The following TULP4 variants were observed in gnomAD, a reference collection of about 807,000 sequenced individuals.
TULP4 encodes tubby-related protein 4.
A neutral mutation model predicts 129.0 loss-of-function variants in TULP4; 16 were observed. The observed-to-expected ratio is 0.12, with a 90% CI of 0.08 to 0.19. The LOEUF (loss-of-function observed/expected upper bound fraction) is 0.19, where lower values mean the gene tolerates loss of function less well. Among genes scored for constraint, TULP4 ranks in the 10% least tolerant of loss-of-function variants. The probability of loss-of-function intolerance (pLI) is 1.00; values close to 1 mark genes in which losing one functional copy is unlikely to be tolerated. For missense variants in TULP4, 1,842 were observed against 2,059.1 expected (o/e 0.89, Z 2.04); for synonymous variants, 998 against 854.0 (o/e 1.17, Z -2.94).
At chr6:158,273,989 G>C (rs1190164027) in intron 1 of TULP4, among the ~76,000 whole-genome samples, 1 of 152,198 alleles carries the variant, frequency 6.6e-6, no homozygotes, top group Non-Finnish European at 1.5e-5. Flanking sequence ...GCTGGGTGCA[G>C]TGGCTCACAC....
In TULP4 at chr6:158,236,734, A is replaced by G. The variant is rs1777708757; in HGVS notation, n.68+4431A>G. Reference sequence around the variant, plus strand: ...GTTTGTGAAGCTGAAAAAAGATCAAATCAGCACACACAGATAAAGGATACA... The same window carrying G: ...GTTTGTGAAGCTGAAAAAAGATCAAGTCAGCACACACAGATAAAGGATACA... On this transcript the variant is annotated intron_variant and non_coding_transcript_variant, in intron 1 of 1. Coordinates refer to the TULP4 transcript ENST00000620026. 2.0e-5 allele frequency among the ~76,000 whole-genome samples: 3 copies of G among 151,726 alleles called. No homozygotes were observed. In the South Asian group the frequency reaches 6.3e-4, roughly 32 times the overall value.
intron 1 of TULP4, among the ~76,000 whole-genome samples, chr6:158,240,841 G>T (rs1777881324): frequency 6.6e-6 from 1 of 150,708 alleles, no homozygotes; most frequent in Non-Finnish European, 1.5e-5. Context: ...GGCTGGGCGG[G>T]GGGGCTGACC....
intron 1 of TULP4, among the ~76,000 whole-genome samples, chr6:158,382,266 T>G (rs1223482873): frequency 2.0e-5 from 3 of 152,216 alleles, no homozygotes; most frequent in African/African-American, 4.8e-5. Flanking sequence ...TATTTTGTTT[T>G]GGGCTTTATC....
chr6:158,433,692 G>C (rs1341260200), intron 3 of TULP4, among the ~76,000 whole-genome samples: 1 of 152,172 alleles, frequency 6.6e-6, no homozygotes. Flanking sequence ...GGTAACAAGA[G>C]GGAAACTCTG....
chr6:158,321,417 C>T (rs994115843), intron 1 of TULP4, among the ~76,000 whole-genome samples: 2 of 152,180 alleles, frequency 1.3e-5, no homozygotes, highest in Admixed American at 1.3e-4. Context: ...ATACCTCTCT[C>T]TGTCTGCCAT....
intron 1 of TULP4, among the ~76,000 whole-genome samples, chr6:158,360,278 C>T (rs1583793513): frequency 1.3e-5 from 2 of 152,132 alleles, no homozygotes; most frequent in South Asian, 2.1e-4. Flanking sequence ...ACGATGCACT[C>T]TTGGGCATTC....
upstream of TULP4, among the ~76,000 whole-genome samples, chr6:158,309,553 AGGTTG>A (rs1258360121): frequency 4.6e-5 from 7 of 151,878 alleles, no homozygotes; most frequent in Non-Finnish European, 2.9e-5. Context: ...TGGGAGATGG[AGGTTG>A]TAGCAAGCCG....
intron 1 of TULP4, among the ~76,000 whole-genome samples, chr6:158,288,041 G>T (rs1186999061): frequency 6.6e-6 from 1 of 152,196 alleles, no homozygotes; most frequent in Non-Finnish European, 1.5e-5. Flanking sequence ...TTATCAATTG[G>T]TTTGAATTCT....
intron 5 of TULP4, among the ~76,000 whole-genome samples, chr6:158,458,457 G>A (rs576100283): frequency 7.8e-4 from 119 of 152,282 alleles, no homozygotes; most frequent in Non-Finnish European, 1.5e-3. Context: ...TGCCTGTGAG[G>A]GTGAGATTAG....
chr6:158,467,353 C>T (rs1218889796), intron 6 of TULP4, among the ~76,000 whole-genome samples: 7 of 147,176 alleles, frequency 4.8e-5, no homozygotes, highest in Non-Finnish European at 8.9e-5. Context: ...GATCAGCGTT[C>T]ACTGCAACCT....
chr6:158,297,959 T>C (rs1218641058), intron 1 of TULP4, among the ~76,000 whole-genome samples: 2 of 152,092 alleles, frequency 1.3e-5, no homozygotes, highest in East Asian at 3.8e-4. Flanking sequence ...AAGACAGACA[T>C]TCCCAGAGCG....
chr6:158,379,951 C>T (rs1777285363), intron 1 of TULP4, among the ~76,000 whole-genome samples: 1 of 152,030 alleles, frequency 6.6e-6, no homozygotes. Context: ...CCAGTGGTTG[C>T]CCTAGTGGAT....
intron 1 of TULP4, among the ~76,000 whole-genome samples, chr6:158,324,667 T>C (rs1448768973): frequency 6.6e-6 from 1 of 152,150 alleles, no homozygotes; most frequent in Non-Finnish European, 1.5e-5. Flanking sequence ...CTGTAATTTG[T>C]GTGTGTGTGC....
rs529604899 is a variant in TULP4 at position 158,291,388 on chromosome 6, G to A, written n.116+9010G>A. Reference sequence around the variant, plus strand: ...TTCATTGATTTTGGCAGCCAGTGCCGCTGTTGAGATGTCTCTGTCATCTAA... The same window carrying A: ...TTCATTGATTTTGGCAGCCAGTGCCACTGTTGAGATGTCTCTGTCATCTAA... On this transcript the variant is annotated intron_variant and non_coding_transcript_variant, in intron 1 of 1. Transcript: ENST00000432358. Among the ~76,000 whole-genome samples the A allele has an allele frequency of 3.3e-5, 5 of 152,296 alleles. No individual in the cohort carries two copies. In the East Asian group the frequency reaches 5.8e-4, roughly 18 times the overall value.
chr6:158,253,241 AG>A (rs1187489490), intron 1 of TULP4, among the ~76,000 whole-genome samples: 2 of 152,236 alleles, frequency 1.3e-5, no homozygotes, highest in African/African-American at 2.4e-5. Context: ...CCTCACTGTG[AG>A]GAAGAATGTA....
At chr6:158,233,107 A>G (rs1375396079) in intron 1 of TULP4, among the ~76,000 whole-genome samples, 1 of 152,126 alleles carries the variant, frequency 6.6e-6, no homozygotes, top group South Asian at 2.1e-4. Context: ...TGGGAAGGTG[A>G]GGGTGGTCTG....
intron 6 of TULP4, among the ~76,000 whole-genome samples, chr6:158,467,750 C>T (rs1779585312): frequency 6.6e-6 from 1 of 152,220 alleles, no homozygotes; most frequent in Admixed American, 6.5e-5. Context: ...GCTCTTACCA[C>T]TCCATCCTCC....
At chr6:158,461,833 G>A in intron 6 of TULP4, 104 bp downstream of exon 6, 1 of 1,314,908 alleles carries the variant, frequency 7.6e-7, no homozygotes, top group Non-Finnish European at 1.0e-6. Flanking sequence ...TTTTACCTTA[G>A]GTTGTGGTGG....
At chr6:158,331,093 T>A in intron 1 of TULP4, among the ~76,000 whole-genome samples, 1 of 152,104 alleles carries the variant, frequency 6.6e-6, no homozygotes, top group Non-Finnish European at 1.5e-5. Flanking sequence ...TGTTATTGGT[T>A]TTTTTCCCCC....
Sources: allele counts gnomAD v4.1 joint callset (sites outside exome capture counted in the v4.1 genomes callset), GRCh38; gene constraint gnomAD v4.1.1; transcripts MANE v1.5; gene names NCBI Gene and HGNC (gene_info 2026-07-23, HGNC 2026-07-21).